The following MCM8 variants were observed in gnomAD, a reference collection of about 807,000 sequenced individuals.
MCM8 encodes minichromosome maintenance 8 homologous recombination repair factor.
Under a neutral mutation model 98.9 loss-of-function variants are expected in MCM8, and 85 were observed. That is an observed-to-expected ratio of 0.86 (90% CI 0.72 to 1.03). MCM8 has a LOEUF of 1.03. MCM8 is among the 50% of genes least tolerant of loss of function. The pLI, the probability that MCM8 is intolerant of heterozygous loss-of-function variation, is 0.00. For synonymous variants in MCM8, 352 were observed against 338.6 expected (o/e 1.04, Z -0.44); for missense variants, 951 against 997.8 (o/e 0.95, Z 0.63).
chr20:5,954,557 G>C (rs1273368504), intron 3 of MCM8, 51 bp from the exon 4 acceptor site: 2 of 1,021,386 alleles, frequency 2.0e-6, no homozygotes, highest in Admixed American at 3.7e-5. Context: ...CATGAAAAAT[G>C]TGCATGTACC....
chr20:5,954,500 C>T (rs1027445594), intron 3 of MCM8, 108 bp from the exon 4 acceptor site: 1 of 527,354 alleles, frequency 1.9e-6, no homozygotes, highest in Non-Finnish European at 3.4e-6. Flanking sequence ...AAATACAAAG[C>T]AATTAGAAAA....
At chr20:5,955,812 CT>C (rs35842048) in intron 5 of MCM8, among the ~76,000 whole-genome samples, 1 of 151,886 alleles carries the variant, frequency 6.6e-6, no homozygotes, top group African/African-American at 2.4e-5. Flanking sequence ...TGGAGTTTCA[CT>C]TTGTTGCCAG....
intron 13 of MCM8, among the ~76,000 whole-genome samples, chr20:5,981,650 C>T (rs763995365): frequency 3.9e-5 from 6 of 152,060 alleles, no homozygotes; most frequent in African/African-American, 1.4e-4. Flanking sequence ...ACAGAGCAGC[C>T]GTTATTATAC....
chr20:5,994,286 T>G lies in MCM8; in HGVS notation c.2431-13T>G. ...TTACTTAATGGGCTAAACCTTTTGA[T>G]GTTTTCTTCCAGGTTGCTGATTTTG... On this transcript the variant is annotated splice_polypyrimidine_tract_variant and intron_variant, in intron 18 of 18. Transcript: ENST00000610722. 3 of 1,546,434 alleles carry G rather than the reference T, an allele frequency of 1.9e-6. No individual in the cohort carries two copies. The highest frequency in any genetic ancestry group is 2.6e-6 in the Non-Finnish European group (3 of 1,132,584).
rs1475978226 is a variant in MCM8, at chr20:5,998,228, TCTGCTCTC to T, written c.*3840_*3847del. 1 of 152,216 alleles carries T rather than the reference TCTGCTCTC, an allele frequency of 6.6e-6. No homozygotes were observed. Among genetic ancestry groups the T allele is most frequent in the African/African-American group, 2.4e-5 (1 of 41,458 alleles). 9.4% of individuals were successfully genotyped at this position (152,216 alleles called of 1,614,324 possible). ...CGGTGATTTGGTATTCAGTGTCCAT[TCTGCTCTC>T]CTAGTGTGCCTTCCTATAATGCAGG... On this transcript the variant is annotated 3_prime_UTR_variant, in exon 19 of 19. Coordinates refer to ENST00000610722, the MANE Select transcript of MCM8 (RefSeq NM_032485.6).
chr20:5,962,886 A>C (rs2089184786), intron 7 of MCM8, among the ~76,000 whole-genome samples: 2 of 152,206 alleles, frequency 1.3e-5, no homozygotes, highest in Non-Finnish European at 2.9e-5. Context: ...GGATTAAAGA[A>C]AACTCTGGAA....
intron 7 of MCM8, among the ~76,000 whole-genome samples, chr20:5,961,253 A>G (rs536545549): frequency 4.1e-4 from 63 of 152,274 alleles, no homozygotes; most frequent in Non-Finnish European, 6.0e-4. Context: ...GTGAAAAGCT[A>G]TTTATCCTGA....
In MCM8 at chr20:5,994,809, T is replaced by C; in HGVS notation, c.*418T>C. 2.3e-6 allele frequency: 1 copy of C among 427,870 alleles called. No individual in the cohort carries two copies. The highest frequency in any genetic ancestry group is 4.6e-6 in the Non-Finnish European group (1 of 215,696). The allele number at this position is 427,870 out of a possible 1,614,324, so 26.5% of individuals were successfully genotyped here. On this transcript the variant is annotated 3_prime_UTR_variant, in exon 19 of 19. Transcript: ENST00000610722. ...CTATAGTCTCAGCTACTTGTGAGGC[T>C]GAGGCAGGAGGATTCTTTGAGCCCA...
At position 5,955,209 on chromosome 20, in the gene MCM8, A is replaced by G; in HGVS notation, c.444A>G (p.Ala148=). Reference sequence around the variant, plus strand: ...ATATAGCAACTGAACTAAGAGATGCACCTGAGAAAACCTTGGCTTGCATGG... The same window carrying G: ...ATATAGCAACTGAACTAAGAGATGCGCCTGAGAAAACCTTGGCTTGCATGG... ...IPDIATELRD[A]PEKTLACMGL... Residue 148 remains alanine, a synonymous_variant, in exon 5 of 19, where the codon GCA becomes GCG. Coordinates refer to ENST00000610722, the MANE Select transcript of MCM8 (RefSeq NM_032485.6). The G allele has an allele frequency of 1.2e-6, 2 of 1,613,944 alleles. No homozygotes were observed. The highest frequency in any genetic ancestry group is 1.7e-6 in the Non-Finnish European group (2 of 1,179,924).
Position 5,994,481 on chromosome 20 carries a change from A to G in MCM8, c.*90A>G. The stretch of plus-strand genomic sequence containing the variant: ...TGCGTGCACGCACAGACAGACAGAC[A>G]CACACACACACACACACACACACAC... On this transcript the variant is annotated 3_prime_UTR_variant, in exon 19 of 19. Transcript: ENST00000610722. 7.1e-6 allele frequency: 2 copies of G among 280,378 alleles called. No individual in the cohort carries two copies. The highest frequency in any genetic ancestry group is 8.8e-5 in the East Asian group (1 of 11,426). The allele number at this position is 280,378 out of a possible 1,614,324, so 17.4% of individuals were successfully genotyped here.
At position 5,978,036 on chromosome 20, in the gene MCM8, T is replaced by TAAA. The variant is rs1436072477; in HGVS notation, c.1537+21_1537+22insAAA. ...GATCAAGGTGAGAGGCCAAAGGGAA[T>TAAA]AATTAGTGATTCTGGGACTTTTTGA... On this transcript the variant is annotated intron_variant, in intron 13 of 18. Transcript: ENST00000610722. 3.1e-6 allele frequency: 5 copies of TAAA among 1,613,254 alleles called. No individual in the cohort carries two copies. Among genetic ancestry groups the TAAA allele is most frequent in the Non-Finnish European group, 4.2e-6 (5 of 1,179,552 alleles).
Position 5,994,751 on chromosome 20 carries a change from A to C in MCM8, c.*360A>C. ...CCATTTCTTAAAAAAAAAAAAAAAA[A>C]ATTTAAACTTAGCTGGGTATGGTGG... On this transcript the variant is annotated 3_prime_UTR_variant, in exon 19 of 19. Coordinates refer to ENST00000610722, the MANE Select transcript of MCM8 (RefSeq NM_032485.6). The C allele has an allele frequency of 2.2e-6, 1 of 451,818 alleles. No individual in the cohort carries two copies. Among genetic ancestry groups the C allele is most frequent in the Non-Finnish European group, 4.4e-6 (1 of 226,534 alleles). The allele number at this position is 451,818 out of a possible 1,614,324, so 28.0% of individuals were successfully genotyped here. A position where few individuals can be genotyped will look rare whatever the true frequency, so the allele number is the denominator to read the frequency against.
rs200710884 is a variant in MCM8, at chr20:5,963,387, G to T, written c.875+28G>T. On this transcript the variant is annotated intron_variant, in intron 8 of 18. Coordinates refer to ENST00000610722, the MANE Select transcript of MCM8 (RefSeq NM_032485.6). ...AAGCGATCAGACTGTTACATAAAAG[G>T]CAGGCTTTAGATGTCACACTGTTGA... The T allele has an allele frequency of 2.5e-4, 394 of 1,555,526 alleles. No individual in the cohort carries two copies. The African/African-American group carries it at 4.4e-3, about 17-fold the overall frequency.
At chr20:5,977,681 A>G (rs1429300358) in intron 12 of MCM8, among the ~76,000 whole-genome samples, 195 bp from the exon 13 acceptor site, 1 of 151,884 alleles carries the variant, frequency 6.6e-6, no homozygotes, top group Non-Finnish European at 1.5e-5. Context: ...TTCCTCATTC[A>G]CTCTTTGTTG....
chr20:5,977,758 T>C, intron 12 of MCM8, 118 bp from the exon 13 acceptor site: 1 of 1,057,040 alleles, frequency 9.5e-7, no homozygotes. Flanking sequence ...TGGTGCACCT[T>C]GTACACTAAA....
At chr20:5,981,050 C>T (rs1427845002) in intron 13 of MCM8, among the ~76,000 whole-genome samples, 3 of 151,924 alleles carry the variant, frequency 2.0e-5, no homozygotes, top group African/African-American at 7.3e-5. Context: ...ACAGAAAAGC[C>T]CAAGAATATG....
intron 4 of MCM8, 113 bp downstream of exon 4, chr20:5,954,803 C>G (rs236115): frequency 1.5e-6 from 1 of 650,160 alleles, no homozygotes; most frequent in Non-Finnish European, 2.7e-6. Context: ...GTTCAGACCT[C>G]AGTTCTGCCA....
chr20:5,968,058 T>G (rs1413811119), intron 10 of MCM8, 33 bp downstream of exon 10: 1 of 1,560,830 alleles, frequency 6.4e-7, no homozygotes, highest in African/African-American at 1.4e-5. Context: ...TTTTATTACA[T>G]AGATGCATGT....
At chr20:5,989,118 G>GTTTTTTTTTTT (rs1568599607) in intron 17 of MCM8, among the ~76,000 whole-genome samples, 4 of 94,414 alleles carry the variant, frequency 4.2e-5, no homozygotes, top group African/African-American at 2.8e-4. Flanking sequence ...AATAGCGCAA[G>GTTTTTTTTTTT]TCTTTTTTTT....
Sources: gnomAD v4.1 joint callset for allele counts (sites outside exome capture counted in the v4.1 genomes callset) on GRCh38, gnomAD v4.1.1 for gene constraint, MANE v1.5 for transcripts, NCBI Gene and HGNC (gene_info 2026-07-23, HGNC 2026-07-21) for gene names.